SPOCK1: variants seen among roughly 807,000 people sequenced by gnomAD.
The protein encoded by SPOCK1 is testican-1.
In SPOCK1, 23 loss-of-function variants were observed where a neutral mutation model predicts 55.3. The ratio of observed to expected loss-of-function variants is 0.42; its 90% CI spans 0.30 to 0.59. SPOCK1 has a LOEUF of 0.59. SPOCK1 is among the 20% of genes least tolerant of loss of function. SPOCK1 has a pLI of 0.22. For missense variants in SPOCK1, 499 were observed against 552.5 expected (o/e 0.90, Z 0.97); for synonymous variants, 226 against 221.0 (o/e 1.02, Z -0.20).
At chr5:137,384,505 C>T (rs1751555404) in intron 2 of SPOCK1, among the ~76,000 whole-genome samples, 1 of 151,472 alleles carries the variant, frequency 6.6e-6, no homozygotes, top group Admixed American at 6.6e-5. Context: ...GACTTGGTGG[C>T]ATATACATAC....
intron 5 of SPOCK1, among the ~76,000 whole-genome samples, chr5:137,083,045 T>C (rs1489039399): frequency 6.6e-6 from 1 of 152,176 alleles, no homozygotes; most frequent in Non-Finnish European, 1.5e-5. Context: ...AACACCAAGC[T>C]CTGAGGGGGG....
At chr5:137,186,107 G>A (rs139684289) in intron 3 of SPOCK1, among the ~76,000 whole-genome samples, 1 of 152,282 alleles carries the variant, frequency 6.6e-6, no homozygotes, top group East Asian at 1.9e-4. Flanking sequence ...ATCTGGAGGT[G>A]GGACAGCTGA....
chr5:137,169,511 C>T (rs897224440), intron 3 of SPOCK1, among the ~76,000 whole-genome samples: 1 of 46,094 alleles, frequency 2.2e-5, no homozygotes, highest in Non-Finnish European at 4.5e-5. Context: ...CACTAAATGC[C>T]TATCTGCCCA....
intron 6 of SPOCK1, among the ~76,000 whole-genome samples, chr5:137,023,958 G>GT (rs1554093439): frequency 2.8e-5 from 2 of 71,566 alleles, no homozygotes; most frequent in Non-Finnish European, 7.7e-5. Flanking sequence ...TGTCAATATA[G>GT]TATTTTTTTT....
intron 5 of SPOCK1, among the ~76,000 whole-genome samples, chr5:137,079,801 C>T (rs886121289): frequency 3.9e-5 from 6 of 152,078 alleles, no homozygotes; most frequent in Admixed American, 1.3e-4. Flanking sequence ...CCTTCCCCAC[C>T]CAGGCGTGTC....
At chr5:137,446,377 G>A (rs1753127789) in intron 2 of SPOCK1, among the ~76,000 whole-genome samples, 1 of 152,072 alleles carries the variant, frequency 6.6e-6, no homozygotes, top group Non-Finnish European at 1.5e-5. Flanking sequence ...TGTTGGGCCA[G>A]GAAGAAACAG....
intron 6 of SPOCK1, among the ~76,000 whole-genome samples, chr5:137,050,738 A>G (rs1752190349): frequency 6.6e-6 from 1 of 152,250 alleles, no homozygotes; most frequent in African/African-American, 2.4e-5. Context: ...TTTTCTAAAG[A>G]AAATCCAAAA....
At chr5:137,054,735 T>G (rs1170857061) in intron 6 of SPOCK1, among the ~76,000 whole-genome samples, 1 of 152,222 alleles carries the variant, frequency 6.6e-6, no homozygotes, top group South Asian at 2.1e-4. Context: ...GAAGCAGAAA[T>G]GCACTAATTT....
chr5:137,394,837 C>A (rs1751807188), intron 2 of SPOCK1, among the ~76,000 whole-genome samples: 2 of 152,214 alleles, frequency 1.3e-5, no homozygotes, highest in African/African-American at 4.8e-5. Context: ...TCTGGGGGTC[C>A]TTAACCCAAG....
At chr5:137,195,456 C>A (rs1173031997) in intron 3 of SPOCK1, among the ~76,000 whole-genome samples, 2 of 152,236 alleles carry the variant, frequency 1.3e-5, no homozygotes, top group Admixed American at 1.3e-4. Context: ...CTTAACAAAG[C>A]ATGCAGGCAG....
At chr5:137,042,529 T>C (rs1387669912) in intron 6 of SPOCK1, among the ~76,000 whole-genome samples, 3 of 152,194 alleles carry the variant, frequency 2.0e-5, no homozygotes, top group Non-Finnish European at 4.4e-5. Context: ...AATCTGAATG[T>C]ATTATAAAGG....
intron 4 of SPOCK1, among the ~76,000 whole-genome samples, chr5:137,117,138 C>G (rs1217484043): frequency 6.6e-6 from 1 of 152,234 alleles, no homozygotes; most frequent in Non-Finnish European, 1.5e-5. Context: ...CTGGACACCT[C>G]CATCTTCCTG....
chr5:137,221,691 T>C (rs1755850827), intron 3 of SPOCK1, among the ~76,000 whole-genome samples: 2 of 152,216 alleles, frequency 1.3e-5, no homozygotes, highest in African/African-American at 4.8e-5. Flanking sequence ...GTTTAGACTG[T>C]AACTAAGTTC....
intron 6 of SPOCK1, among the ~76,000 whole-genome samples, chr5:137,031,068 T>C (rs1164164428): frequency 1.3e-5 from 2 of 152,218 alleles, no homozygotes; most frequent in Non-Finnish European, 2.9e-5. Context: ...ATAATACATA[T>C]TTTGTAATTT....
chr5:137,365,018 T>G (rs906126416), intron 2 of SPOCK1: 1 of 152,286 alleles, frequency 6.6e-6, no homozygotes. Flanking sequence ...GGAGGATTCA[T>G]GTCCAAGTGC....
At chr5:137,420,701 G>C (rs994602284) in intron 2 of SPOCK1, among the ~76,000 whole-genome samples, 2 of 152,110 alleles carry the variant, frequency 1.3e-5, no homozygotes, top group Non-Finnish European at 2.9e-5. Context: ...TTCTTTATGA[G>C]TCTTGCTAGT....
At chr5:137,063,729 G>A (rs954042950) in intron 6 of SPOCK1, among the ~76,000 whole-genome samples, 1 of 152,250 alleles carries the variant, frequency 6.6e-6, no homozygotes, top group African/African-American at 2.4e-5. Flanking sequence ...TCTGAAACCT[G>A]AGACAGGTGG....
intron 3 of SPOCK1, among the ~76,000 whole-genome samples, chr5:137,255,433 A>G (rs74591483): frequency 0.024 from 3,641 of 152,326 alleles, 143 homozygotes; most frequent in African/African-American, 0.084. Flanking sequence ...TGGCTTTGCT[A>G]TGCCTTTAAT....
chr5:137,127,897 C>T (rs1008609985), intron 4 of SPOCK1, among the ~76,000 whole-genome samples: 13 of 152,202 alleles, frequency 8.5e-5, no homozygotes, highest in Admixed American at 2.6e-4. Flanking sequence ...TGAATTAAGA[C>T]GTTTATGGCT....
Sources: gnomAD v4.1 joint callset for allele counts (sites outside exome capture counted in the v4.1 genomes callset) on GRCh38, gnomAD v4.1.1 for gene constraint, MANE v1.5 for transcripts, NCBI Gene and HGNC (gene_info 2026-07-23, HGNC 2026-07-21) for gene names.